The following SYNE2 variants were observed in gnomAD, a reference collection of about 807,000 sequenced individuals.
SYNE2 encodes nesprin-2.
In SYNE2, 431 loss-of-function variants were observed where a neutral mutation model predicts 856.3. The ratio of observed to expected loss-of-function variants is 0.50; its 90% CI spans 0.47 to 0.55. SYNE2 has a LOEUF of 0.55. SYNE2 is among the 20% of genes least tolerant of loss of function. SYNE2 has a pLI of 0.00. For synonymous variants in SYNE2, 2,923 were observed against 2,872.3 expected, an observed-to-expected ratio of 1.02 and a Z score of -0.56; for missense variants, 8,129 against 8,023.2, an observed-to-expected ratio of 1.01 and a Z score of -0.50.
intron 83 of SYNE2, among the ~76,000 whole-genome samples, chr14:64,145,603 TAAA>T (rs201743214): frequency 1.8e-4 from 28 of 152,108 alleles, no homozygotes; most frequent in Non-Finnish European, 3.2e-4. Flanking sequence ...TATGACCTAA[TAAA>T]AAATTTATTA....
chr14:63,956,453 A>T (rs1423746134), intron 8 of SYNE2: 1 of 456,654 alleles, frequency 2.2e-6, no homozygotes, highest in Non-Finnish European at 4.4e-6. Context: ...CTGAACATTT[A>T]GCAGTCAACT....
At chr14:63,807,953 C>A (rs896734044) in intron 1 of SYNE2, among the ~76,000 whole-genome samples, 1 of 144,858 alleles carries the variant, frequency 6.9e-6, no homozygotes, top group African/African-American at 2.5e-5. Flanking sequence ...GCACCCATTA[C>A]CTGAACAGTG....
chr14:63,803,028 T>C (rs766917749), intron 1 of SYNE2, among the ~76,000 whole-genome samples: 7 of 152,186 alleles, frequency 4.6e-5, no homozygotes, highest in Non-Finnish European at 7.4e-5. Context: ...AGGTTGCCAA[T>C]AATGGCTCAG....
chr14:64,210,994 T>C (rs746272629), intron 103 of SYNE2, among the ~76,000 whole-genome samples: 3 of 152,120 alleles, frequency 2.0e-5, no homozygotes, highest in Non-Finnish European at 1.5e-5. Flanking sequence ...CTCTCTTTCT[T>C]CTTTCTTGAC....
chr14:64,165,605 C>T (rs903192623), intron 90 of SYNE2, among the ~76,000 whole-genome samples, 195 bp downstream of exon 90: 6 of 151,920 alleles, frequency 3.9e-5, no homozygotes, highest in African/African-American at 9.7e-5. Flanking sequence ...CTCCACCTCC[C>T]GGGTTCAAGC....
chr14:64,116,136 A>G (rs1011767819), intron 66 of SYNE2, among the ~76,000 whole-genome samples: 5 of 142,566 alleles, frequency 3.5e-5, no homozygotes, highest in South Asian at 2.6e-4. Flanking sequence ...GCACCACTGC[A>G]TTCCAGCCTG....
intron 100 of SYNE2, among the ~76,000 whole-genome samples, chr14:64,205,326 C>G (rs1330364840): frequency 6.6e-6 from 1 of 152,108 alleles, no homozygotes; most frequent in Non-Finnish European, 1.5e-5. Context: ...TTATGCTAAA[C>G]TCAGACCTTA....
intron 49 of SYNE2, among the ~76,000 whole-genome samples, chr14:64,058,296 G>C (rs2097289101): frequency 6.6e-6 from 1 of 152,058 alleles, no homozygotes; most frequent in South Asian, 2.1e-4. Context: ...TTTTGTATAT[G>C]ATGAGAGATA....
At chr14:63,990,847 C>A in intron 20 of SYNE2, 95 bp from the exon 21 acceptor site, 2 of 1,011,342 alleles carry the variant, frequency 2.0e-6, no homozygotes, top group Non-Finnish European at 3.0e-6. Flanking sequence ...ATCTAAATAT[C>A]TTTGTCTAGT....
intron 1 of SYNE2, among the ~76,000 whole-genome samples, chr14:63,838,010 G>T (rs1030610874): frequency 7.0e-6 from 1 of 143,598 alleles, no homozygotes; most frequent in South Asian, 2.3e-4. Flanking sequence ...GCACATAAAA[G>T]ATGCTCAACA....
At position 64,217,885 on chromosome 14, in the gene SYNE2, A is replaced by T. The variant is rs2098674300; in HGVS notation, c.19543-513A>T. ...CCAATCGGCTGTGTGATAACAGAAGAGTCAGTATGTGCGGTGAAAGATAAA... is the reference window on the plus strand; with the variant it reads ...CCAATCGGCTGTGTGATAACAGAAGTGTCAGTATGTGCGGTGAAAGATAAA... On this transcript the variant is annotated intron_variant, in intron 108 of 115. Transcript: ENST00000555002. Among the ~76,000 whole-genome samples, 2 of 152,184 alleles carry T rather than the reference A, an allele frequency of 1.3e-5. 1 individual carries two copies. Among genetic ancestry groups the T allele is most frequent in the South Asian group, 4.1e-4 (2 of 4,824 alleles).
chr14:63,978,078 C>A, intron 13 of SYNE2, 61 bp downstream of exon 13: 1 of 1,037,328 alleles, frequency 9.6e-7, no homozygotes, highest in Non-Finnish European at 1.5e-6. Flanking sequence ...ACAACTGATA[C>A]TACAGGGACC....
intron 88 of SYNE2, chr14:64,162,672 T>C (rs2098338329): frequency 3.2e-6 from 1 of 309,278 alleles, no homozygotes; most frequent in African/African-American, 2.2e-5. Flanking sequence ...GCTAGGCCTT[T>C]TCTGTGGGTA....
intron 105 of SYNE2, 152 bp downstream of exon 105, chr14:64,213,157 T>A: frequency 2.4e-6 from 2 of 817,722 alleles, no homozygotes; most frequent in South Asian, 1.7e-5. Context: ...CATTTTAATT[T>A]CCACTTTTAT....
At chr14:63,852,815 T>C (rs1890664025), upstream of SYNE2, among the ~76,000 whole-genome samples, 1 of 151,956 alleles carries the variant, frequency 6.6e-6, no homozygotes, top group African/African-American at 2.4e-5. Flanking sequence ...ACCTCTGATG[T>C]CCCAAAAGAC....
chr14:64,010,401 A>G (rs74852800), intron 32 of SYNE2, among the ~76,000 whole-genome samples: 2,227 of 152,212 alleles, frequency 0.015, 59 homozygotes, highest in African/African-American at 0.05. Flanking sequence ...CAGCCTTTGC[A>G]CTGACTTTCT....
At chr14:63,939,336 A>AT (rs11367073) in intron 2 of SYNE2, among the ~76,000 whole-genome samples, 7 of 133,442 alleles carry the variant, frequency 5.2e-5, no homozygotes, top group South Asian at 2.4e-4. Context: ...TCCTACCTGG[A>AT]TTTTTTTTTT....
chr14:64,214,412 G>T lies in SYNE2; in HGVS notation c.19275G>T (p.Val6425=), dbSNP rs772092387. ...TGGAGTGGGACCACACAGGCGACGT[G>T]GGGGGCTCCTCCTCTCACGAAGAGG... The part of the protein sequence containing the change: ...IPLEWDHTGD[V]GGSSSHEEDE... Residue 6425 remains valine, a synonymous_variant, in exon 106 of 116, where the codon GTG becomes GTT. Transcript: ENST00000555002. 14 of 1,613,946 alleles carry T rather than the reference G, an allele frequency of 8.7e-6. No individual in the cohort carries two copies. The highest frequency in any genetic ancestry group is 4.5e-5 in the East Asian group (2 of 44,882).
At chr14:63,856,012 A>G (rs1891621359) in intron 1 of SYNE2, among the ~76,000 whole-genome samples, 1 of 152,158 alleles carries the variant, frequency 6.6e-6, no homozygotes, top group African/African-American at 2.4e-5. Context: ...GTTGTGGCAT[A>G]AGAGGTTGTA....
Sources: gnomAD v4.1 joint callset for allele counts (sites outside exome capture counted in the v4.1 genomes callset) on GRCh38, gnomAD v4.1.1 for gene constraint, MANE v1.5 for transcripts, NCBI Gene and HGNC (gene_info 2026-07-23, HGNC 2026-07-21) for gene names.